The following TRDN variants were observed in gnomAD, a reference collection of about 807,000 sequenced individuals.
TRDN encodes triadin in skeletal muscle.
Under a neutral mutation model 149.7 loss-of-function variants are expected in TRDN, and 161 were observed. The observed-to-expected ratio is 1.08, with a 90% CI of 0.95 to 1.23. The LOEUF is 1.23. TRDN is among the 50% of genes most tolerant of loss of function. TRDN has a pLI of 0.00. For missense variants in TRDN, 896 were observed against 823.5 expected (o/e 1.09, Z -1.08); for synonymous variants, 294 against 250.5 (o/e 1.17, Z -1.64).
chr6:123,522,540 GCA>G lies in TRDN; in HGVS notation c.485-6336_485-6335del, dbSNP rs1779739457. On this transcript the variant is annotated intron_variant, in intron 5 of 40. Transcript: ENST00000334268. ...CTCTTTTTTTTTTTTTTTTTTTTTT[GCA>G]TTTTCCAAATCATCCATATTTATCT... 5.3e-5 allele frequency among the ~76,000 whole-genome samples: 6 copies of G among 113,192 alleles called. No individual in the cohort carries two copies. In the South Asian group the frequency reaches 1.1e-3, roughly 20 times the overall value. The allele number at this position is 113,192 out of a possible 152,430, so 74.3% of individuals were successfully genotyped here. A position where few individuals can be genotyped will look rare whatever the true frequency, so the allele number is the denominator to read the frequency against.
At chr6:123,617,873 G>T (rs1583330949) in intron 1 of TRDN, among the ~76,000 whole-genome samples, 1 of 152,046 alleles carries the variant, frequency 6.6e-6, no homozygotes, top group African/African-American at 2.4e-5. Context: ...AAGTAGCTGG[G>T]ATGACAGGTG....
At chr6:123,505,004 G>A (rs1476713054) in intron 7 of TRDN, among the ~76,000 whole-genome samples, 1 of 152,074 alleles carries the variant, frequency 6.6e-6, no homozygotes, top group East Asian at 1.9e-4. Flanking sequence ...CCAGCACTTT[G>A]GGAGACCAAG....
chr6:123,469,003 A>G (rs759731863), intron 9 of TRDN: 8 of 152,232 alleles, frequency 5.3e-5, no homozygotes, highest in Non-Finnish European at 7.3e-5. Context: ...TGAAATCATT[A>G]CAAATCCCTG....
chr6:123,306,374 G>T (rs983033656), intron 24 of TRDN, among the ~76,000 whole-genome samples: 8 of 152,030 alleles, frequency 5.3e-5, no homozygotes, highest in African/African-American at 1.9e-4. Flanking sequence ...TAAAATGATT[G>T]ATTAGTGATG....
At position 123,308,158 on chromosome 6, in the gene TRDN, C is replaced by T. The variant is rs1041334482; in HGVS notation, c.1510+8299G>A. On this transcript the variant is annotated intron_variant, in intron 24 of 40. Coordinates refer to ENST00000334268, the MANE Select transcript of TRDN (RefSeq NM_006073.4). Reference sequence around the variant, plus strand: ...CTGATTCACTTAGGATAACGACTTCCAGCTGCATCAATTTTGCTTCAAAGG... The same window carrying T: ...CTGATTCACTTAGGATAACGACTTCTAGCTGCATCAATTTTGCTTCAAAGG... Among the ~76,000 whole-genome samples, 9 of 152,146 alleles carry T rather than the reference C, an allele frequency of 5.9e-5. No homozygotes were observed. In the East Asian group the frequency reaches 1.7e-3, roughly 29 times the overall value.
At position 123,496,043 on chromosome 6, in the gene TRDN, TTAA is replaced by T. The variant is rs1479225570; in HGVS notation, c.853+1147_853+1149del. On this transcript the variant is annotated intron_variant, in intron 9 of 40. Transcript: ENST00000334268. Reference sequence around the variant, plus strand: ...AAACATCGATATTATTAATATATTATTAATAATATATATCATTAATATTATTAA... The same window carrying T: ...AAACATCGATATTATTAATATATTATTAATATATATCATTAATATTATTAA... Among the ~76,000 whole-genome samples the T allele has an allele frequency of 3.4e-5, 5 of 147,266 alleles. No individual in the cohort carries two copies. In the Admixed American group the frequency reaches 3.4e-4, roughly 10 times the overall value.
Position 123,375,600 on chromosome 6 carries a change from C to T in TRDN, c.1273+5G>A, listed in dbSNP as rs1433759737. 2.0e-6 allele frequency: 3 copies of T among 1,534,168 alleles called. No homozygotes were observed. Among genetic ancestry groups the T allele is most frequent in the Non-Finnish European group, 2.6e-6 (3 of 1,139,232 alleles). On this transcript the variant is annotated splice_donor_5th_base_variant and intron_variant, in intron 19 of 40. Coordinates refer to ENST00000334268, the MANE Select transcript of TRDN (RefSeq NM_006073.4). ...GCTCTTCTTTAAAAATTTTGTTCAA[C>T]ATACTTGCTTTTACTTGTTTGTCAC... is the stretch of plus-strand genomic sequence containing the variant.
intron 19 of TRDN, among the ~76,000 whole-genome samples, chr6:123,366,504 T>C (rs1781104989): frequency 6.6e-6 from 1 of 152,164 alleles, no homozygotes; most frequent in African/African-American, 2.4e-5. Context: ...TACAATGGGA[T>C]ACTAATTTAT....
chr6:123,278,098 T>G (rs1049588170), intron 26 of TRDN, among the ~76,000 whole-genome samples: 1 of 152,174 alleles, frequency 6.6e-6, no homozygotes, highest in African/African-American at 2.4e-5. Flanking sequence ...TTACTTCTTC[T>G]GAACCATGTA....
intron 1 of TRDN, among the ~76,000 whole-genome samples, chr6:123,596,993 A>C (rs1784067886): frequency 6.6e-6 from 1 of 152,208 alleles, no homozygotes; most frequent in South Asian, 2.1e-4. Flanking sequence ...TTTTATTTCT[A>C]GAGTTATTTT....
At chr6:123,220,872 T>C (rs1255222753) in intron 40 of TRDN, among the ~76,000 whole-genome samples, 1 of 151,792 alleles carries the variant, frequency 6.6e-6, no homozygotes, top group African/African-American at 2.4e-5. Context: ...ATGACTTTAA[T>C]GCAAATACAG....
intron 38 of TRDN, among the ~76,000 whole-genome samples, chr6:123,241,121 C>A (rs1775972750): frequency 6.6e-6 from 1 of 151,500 alleles, no homozygotes; most frequent in African/African-American, 2.4e-5. Context: ...TATTATTTGA[C>A]AAATTGAAAT....
At chr6:123,473,462 G>A (rs1313877144) in intron 9 of TRDN, among the ~76,000 whole-genome samples, 3 of 151,880 alleles carry the variant, frequency 2.0e-5, no homozygotes, top group African/African-American at 2.4e-5. Context: ...CCAAATCTAC[G>A]TCTGATTGGT....
chr6:123,224,436 C>A (rs558484665), intron 38 of TRDN, among the ~76,000 whole-genome samples: 2 of 151,846 alleles, frequency 1.3e-5, no homozygotes, highest in South Asian at 4.1e-4. Context: ...ACTCCTAAAG[C>A]TCCTTTCAAA....
At chr6:123,498,062 A>G (rs1322954319) in intron 8 of TRDN, 3 of 155,446 alleles carry the variant, frequency 1.9e-5, no homozygotes, top group Non-Finnish European at 4.3e-5. Flanking sequence ...CCTGAGGTCA[A>G]TCCAACTCAA....
intron 38 of TRDN, among the ~76,000 whole-genome samples, chr6:123,233,995 C>A (rs1355202457): frequency 3.3e-5 from 5 of 151,930 alleles, no homozygotes; most frequent in South Asian, 2.1e-4. Flanking sequence ...TTATCTTAAT[C>A]TACCCAAAAT....
rs577376276 is a variant in TRDN, at chr6:123,259,630, T to C, written c.1864A>G (p.Ser622Gly). Residue 622 changes from serine to glycine, a missense_variant, in exon 35 of 41, where the codon AGT (serine) becomes GGT (glycine). By Grantham distance (56) the Ser-to-Gly change is moderately conservative. Coordinates refer to ENST00000334268, the MANE Select transcript of TRDN (RefSeq NM_006073.4). ...KKKTEISEKE[S>G]KEKADMKHLR... is the part of the protein sequence containing the mutation. ...CTTAAAATGTCATTTTTACCTTTAC[T>C]TTCTTTTTCAGATATTTCAGTTTTC... 30 of 1,478,690 alleles carry C rather than the reference T, an allele frequency of 2.0e-5. No individual in the cohort carries two copies. In the South Asian group the frequency reaches 3.8e-4, roughly 19 times the overall value. 91.6% of individuals were successfully genotyped at this position (1,478,690 alleles called of 1,614,324 possible).
chr6:123,347,625 G>A lies in TRDN; in HGVS notation c.1369+4914C>T, dbSNP rs184437092. On this transcript the variant is annotated intron_variant, in intron 21 of 40. Coordinates refer to ENST00000334268, the MANE Select transcript of TRDN (RefSeq NM_006073.4). ...GTATTTTCATTTTATAATCTAAATTGGACTTTCCTGTTGATTGATTGTACT... is the reference window on the plus strand; with the variant it reads ...GTATTTTCATTTTATAATCTAAATTAGACTTTCCTGTTGATTGATTGTACT... Among the ~76,000 whole-genome samples, 367 of 151,984 alleles carry A rather than the reference G, an allele frequency of 2.4e-3. 17 individuals carry two copies. In the South Asian group the frequency reaches 0.063, roughly 26 times the overall value.
intron 37 of TRDN, among the ~76,000 whole-genome samples, chr6:123,252,834 A>G (rs1476994300): frequency 6.6e-6 from 1 of 152,098 alleles, no homozygotes; most frequent in Non-Finnish European, 1.5e-5. Flanking sequence ...AAAATATGTC[A>G]GCTATCAAAA....
Sources: gnomAD v4.1 joint callset for allele counts (sites outside exome capture counted in the v4.1 genomes callset) on GRCh38, gnomAD v4.1.1 for gene constraint, MANE v1.5 for transcripts, NCBI Gene and HGNC (gene_info 2026-07-23, HGNC 2026-07-21) for gene names.